Variants in NDUFAF5 observed in about 807,000 individuals in gnomAD.
NDUFAF5 encodes NADH:ubiquinone oxidoreductase complex assembly factor 5.
In NDUFAF5, 34 loss-of-function variants were observed where a neutral mutation model predicts 48.9. The observed-to-expected ratio is 0.70, with a 90% CI of 0.53 to 0.93. The LOEUF is 0.93. NDUFAF5 is among the 40% of genes least tolerant of loss of function. NDUFAF5 has a pLI of 0.00. For synonymous variants in NDUFAF5, 153 were observed against 150.6 expected, an observed-to-expected ratio of 1.02 and a Z score of -0.12; for missense variants, 428 against 427.5, an observed-to-expected ratio of 1.00 and a Z score of -0.01.
At chr20:13,792,883 G>A (rs1229871010) in intron 3 of NDUFAF5, among the ~76,000 whole-genome samples, 7 of 152,272 alleles carry the variant, frequency 4.6e-5, no homozygotes, top group Non-Finnish European at 7.3e-5. Context: ...ACACAGGAGT[G>A]GGGAAATAGC....
Position 13,785,070 on chromosome 20 carries a change from T to TG in NDUFAF5, c.3dup (p.Leu2_?1). 1 of 1,610,914 alleles carries TG rather than the reference T, an allele frequency of 6.2e-7. No homozygotes were observed. The highest frequency in any genetic ancestry group is 8.5e-7 in the Non-Finnish European group (1 of 1,179,464). On this transcript the variant is annotated frameshift_variant and start_lost, in exon 1 of 11. Transcript: ENST00000378106. LOFTEE classifies it high-confidence loss of function. ...CGGCAATTGGGGTCGCAGCTGGAGA[T>TG]GCTGCGGCCGGCAGGGCTCTGGCGC...
Position 13,820,771 on chromosome 20 carries a change from G to A in NDUFAF5, c.*3561G>A, listed in dbSNP as rs986802909. The A allele has an allele frequency of 5.9e-5, 9 of 152,164 alleles. No homozygotes were observed. The highest frequency in any genetic ancestry group is 1.3e-4 in the Non-Finnish European group (9 of 68,032). 9.4% of individuals were successfully genotyped at this position (152,164 alleles called of 1,614,324 possible). A position where few individuals can be genotyped will look rare whatever the true frequency, so the allele number is the denominator to read the frequency against. On this transcript the variant is annotated 3_prime_UTR_variant, in exon 11 of 11. Transcript: ENST00000378106. Reference sequence around the variant, plus strand: ...AGTGGAATAAAAGTATTTTACCGTGGATTGGCTTCTGTGAAGGAAAGAAGT... The same window carrying A: ...AGTGGAATAAAAGTATTTTACCGTGAATTGGCTTCTGTGAAGGAAAGAAGT...
intron 8 of NDUFAF5, among the ~76,000 whole-genome samples, chr20:13,811,707 A>G (rs1020718261): frequency 6.6e-6 from 1 of 152,256 alleles, no homozygotes; most frequent in Non-Finnish European, 1.5e-5. Flanking sequence ...AATATATGCA[A>G]AAATAAACTA....
At chr20:13,785,836 A>C (rs1980976614) in intron 1 of NDUFAF5, among the ~76,000 whole-genome samples, 2 of 152,240 alleles carry the variant, frequency 1.3e-5, no homozygotes, top group Admixed American at 1.3e-4. Context: ...ATTGGGTCAC[A>C]TGAAATATAT....
chr20:13,787,900 T>C (rs1462325432), intron 2 of NDUFAF5, among the ~76,000 whole-genome samples: 1 of 152,162 alleles, frequency 6.6e-6, no homozygotes, highest in Non-Finnish European at 1.5e-5. Flanking sequence ...GGTTTTTTTT[T>C]TTAAACCTAT....
chr20:13,809,823 T>C (rs2147599578), intron 8 of NDUFAF5, among the ~76,000 whole-genome samples: 1 of 152,256 alleles, frequency 6.6e-6, no homozygotes, highest in East Asian at 1.9e-4. Context: ...CCCAGAGATG[T>C]TTAGGAGATA....
At chr20:13,793,635 T>C (rs1474778195) in intron 4 of NDUFAF5, among the ~76,000 whole-genome samples, 1 of 152,232 alleles carries the variant, frequency 6.6e-6, no homozygotes, top group Non-Finnish European at 1.5e-5. Context: ...TTAGCTAAAC[T>C]TTCTATTGAA....
intron 3 of NDUFAF5, among the ~76,000 whole-genome samples, chr20:13,790,019 G>A (rs1221661134): frequency 6.6e-6 from 1 of 152,156 alleles, no homozygotes; most frequent in East Asian, 1.9e-4. Context: ...ATTTGAGTTG[G>A]TGGTTCCTAG....
chr20:13,788,125 A>G (rs923474612), intron 2 of NDUFAF5, among the ~76,000 whole-genome samples: 3 of 152,158 alleles, frequency 2.0e-5, no homozygotes, highest in African/African-American at 7.2e-5. Context: ...TAAAAGTTTA[A>G]CTGTTACTTA....
At chr20:13,816,094 G>C in intron 8 of NDUFAF5, 1 of 357,376 alleles carries the variant, frequency 2.8e-6, no homozygotes, top group South Asian at 2.3e-5. Context: ...CCAAAGAGCA[G>C]CTAAAAGCAT....
intron 3 of NDUFAF5, among the ~76,000 whole-genome samples, chr20:13,790,614 A>G (rs912089293): frequency 2.6e-5 from 4 of 152,198 alleles, no homozygotes; most frequent in Non-Finnish European, 4.4e-5. Context: ...TCCTCTGCCC[A>G]GAACTGTTAG....
intron 1 of NDUFAF5, among the ~76,000 whole-genome samples, 182 bp downstream of exon 1, chr20:13,785,472 T>C (rs1980880044): frequency 6.6e-6 from 1 of 152,346 alleles, no homozygotes; most frequent in African/African-American, 2.4e-5. Flanking sequence ...TGTAACATGC[T>C]TTCATTCATT....
rs115960330 is a variant in NDUFAF5 at position 13,818,033 on chromosome 20, T to A, written c.*823T>A. ...GTTTTGTTTCCAGTTAGCTGTTCGC[T>A]GTCTTTTCCATTTAACCTGGGCACT... On this transcript the variant is annotated 3_prime_UTR_variant, in exon 11 of 11. Transcript: ENST00000378106. 43 of 449,376 alleles carry A rather than the reference T, an allele frequency of 9.6e-5. No individual in the cohort carries two copies. In the Admixed American group the frequency reaches 1.0e-3, roughly 11 times the overall value. The allele number at this position is 449,376 out of a possible 1,614,324, so 27.8% of individuals were successfully genotyped here.
Position 13,789,479 on chromosome 20 carries a change from C to CT in NDUFAF5, c.327+841dup, listed in dbSNP as rs751983106. On this transcript the variant is annotated intron_variant, in intron 3 of 10. Transcript: ENST00000378106. ...TGCGCCCAGCCTTAAAGTGGAATTT[C>CT]TTTTTTTTTTTTTTGAGACAGAGTC... is the stretch of plus-strand genomic sequence containing the variant. Among the ~76,000 whole-genome samples, 439 of 126,072 alleles carry CT rather than the reference C, an allele frequency of 3.5e-3. 2 individuals are homozygous for CT. The highest frequency in any genetic ancestry group is 7.3e-3 in the African/African-American group (248 of 34,038). The allele number at this position is 126,072 out of a possible 152,430, so 82.7% of individuals were successfully genotyped here.
At chr20:13,791,067 T>G (rs1247544146) in intron 3 of NDUFAF5, among the ~76,000 whole-genome samples, 3 of 152,212 alleles carry the variant, frequency 2.0e-5, no homozygotes, top group Non-Finnish European at 4.4e-5. Flanking sequence ...AAGATAACTT[T>G]AGAGTTTAAG....
rs75095964 is a variant in NDUFAF5 at position 13,819,791 on chromosome 20, T to G, written c.*2581T>G. ...GTGTCTTTTCCAGCACTTTTCTTAC[T>G]TGCTGTCAGTTGTCAATCTCAACAC... On this transcript the variant is annotated 3_prime_UTR_variant, in exon 11 of 11. Transcript: ENST00000378106. 1.3e-5 allele frequency: 2 copies of G among 152,280 alleles called. No individual in the cohort carries two copies. Among genetic ancestry groups the G allele is most frequent in the African/African-American group, 4.8e-5 (2 of 41,468 alleles). The allele number at this position is 152,280 out of a possible 1,614,324, so 9.4% of individuals were successfully genotyped here. A position where few individuals can be genotyped will look rare whatever the true frequency, so the allele number is the denominator to read the frequency against.
At chr20:13,793,104 C>T (rs1982575772) in intron 3 of NDUFAF5, 76 bp from the exon 4 acceptor site, 2 of 1,493,748 alleles carry the variant, frequency 1.3e-6, no homozygotes, top group African/African-American at 2.8e-5. Flanking sequence ...ATGTAATTAA[C>T]ACTTTTACCT....
At chr20:13,794,504 TC>T (rs1444283392) in intron 4 of NDUFAF5, among the ~76,000 whole-genome samples, 2 of 152,226 alleles carry the variant, frequency 1.3e-5, no homozygotes, top group Admixed American at 6.5e-5. Flanking sequence ...GGTCTCGAAC[TC>T]CTGACTTTCA....
In NDUFAF5 at chr20:13,818,432, TG is replaced by T. The variant is rs1251071801; in HGVS notation, c.*1223del. The T allele has an allele frequency of 2.1e-5, 7 of 332,320 alleles. No homozygotes were observed. The highest frequency in any genetic ancestry group is 2.3e-5 in the Non-Finnish European group (4 of 171,726). The allele number at this position is 332,320 out of a possible 1,614,324, so 20.6% of individuals were successfully genotyped here. On this transcript the variant is annotated 3_prime_UTR_variant, in exon 11 of 11. Transcript: ENST00000378106. ...ACCTGTGAAGTAGAATTTGGCGTTT[TG>T]TTTTTTGGGGTTTTTTTTTTTTTTA...
Sources: allele counts gnomAD v4.1 joint callset (sites outside exome capture counted in the v4.1 genomes callset), GRCh38; gene constraint gnomAD v4.1.1; transcripts MANE v1.5; gene names NCBI Gene and HGNC (gene_info 2026-07-23, HGNC 2026-07-21).